Variants in CTNNA3 observed in about 807,000 individuals in gnomAD.
CTNNA3 encodes catenin alpha 3.
Under a neutral mutation model 95.7 loss-of-function variants are expected in CTNNA3, and 76 were observed. That is an observed-to-expected ratio of 0.79 (90% CI 0.66 to 0.96). CTNNA3 has a LOEUF of 0.96. Ranked by LOEUF, CTNNA3 falls within the 40% of genes least tolerant of loss-of-function variation. The pLI is 0.00. For synonymous variants in CTNNA3, 431 were observed against 374.4 expected (o/e 1.15, Z -1.74); for missense variants, 1,191 against 1,089.8 (o/e 1.09, Z -1.31).
chr10:67,097,732 A>G (rs1181878572), intron 7 of CTNNA3: 2 of 1,612,558 alleles, frequency 1.2e-6, no homozygotes, highest in African/African-American at 2.7e-5. Context: ...CTAGAGACTG[A>G]GCTGGACCTG....
chr10:67,205,782 C>T (rs80269395), intron 6 of CTNNA3, among the ~76,000 whole-genome samples: 3,237 of 152,178 alleles, frequency 0.021, 103 homozygotes, highest in African/African-American at 0.073. Flanking sequence ...TTAAAAGAAG[C>T]AAAATATAAT....
intron 12 of CTNNA3, among the ~76,000 whole-genome samples, chr10:66,324,003 G>A (rs2092223324): frequency 6.6e-6 from 1 of 151,818 alleles, no homozygotes; most frequent in African/African-American, 2.4e-5. Flanking sequence ...CCCCACTTCT[G>A]GCTCCCCATC....
intron 7 of CTNNA3, among the ~76,000 whole-genome samples, chr10:66,978,063 TATATACACACAC>T (rs1284089772): frequency 1.0e-5 from 1 of 97,382 alleles, no homozygotes. Flanking sequence ...CATATATATA[TATATACACACAC>T]ACACACACAC....
chr10:67,554,841 C>A (rs1589419359), intron 3 of CTNNA3, among the ~76,000 whole-genome samples: 1 of 152,272 alleles, frequency 6.6e-6, no homozygotes, highest in African/African-American at 2.4e-5. Context: ...TGCCTATGTC[C>A]TGAATGGTGT....
intron 11 of CTNNA3, among the ~76,000 whole-genome samples, chr10:66,386,279 C>G (rs909997211): frequency 2.0e-5 from 3 of 152,126 alleles, no homozygotes; most frequent in African/African-American, 4.8e-5. Context: ...GCAAAAATCA[C>G]AAGCATTCCT....
intron 9 of CTNNA3, among the ~76,000 whole-genome samples, chr10:66,696,300 C>T (rs1002513348): frequency 3.3e-5 from 5 of 152,084 alleles, no homozygotes; most frequent in Non-Finnish European, 5.9e-5. Flanking sequence ...ATGCTATTTA[C>T]TTCATCATTT....
intron 13 of CTNNA3, among the ~76,000 whole-genome samples, chr10:66,139,386 T>C (rs939134445): frequency 5.9e-5 from 9 of 152,178 alleles, no homozygotes; most frequent in Admixed American, 4.6e-4. Context: ...GAGCCACTCA[T>C]ATGTCATATG....
At chr10:66,403,101 C>T (rs2093032735) in intron 11 of CTNNA3, among the ~76,000 whole-genome samples, 1 of 152,124 alleles carries the variant, frequency 6.6e-6, no homozygotes. Context: ...TAGGCCTAAA[C>T]CAATGTGTAA....
chr10:67,411,500 G>C (rs1845365641), intron 5 of CTNNA3, among the ~76,000 whole-genome samples: 1 of 151,988 alleles, frequency 6.6e-6, no homozygotes, highest in Non-Finnish European at 1.5e-5. Flanking sequence ...TTCCAAATGA[G>C]GATCTGTACC....
chr10:67,692,567 T>A (rs1454637570), intron 1 of CTNNA3, among the ~76,000 whole-genome samples: 1 of 137,140 alleles, frequency 7.3e-6, no homozygotes, highest in Non-Finnish European at 1.6e-5. Context: ...TCATCACCAC[T>A]CCCTAATCTC....
intron 7 of CTNNA3, among the ~76,000 whole-genome samples, chr10:66,968,739 G>T (rs571271765): frequency 6.6e-6 from 1 of 151,914 alleles, no homozygotes; most frequent in Admixed American, 6.6e-5. Flanking sequence ...ATTTTTGGCC[G>T]GGCATGGTGG....
chr10:67,695,067 T>A (rs1840937856), intron 1 of CTNNA3, among the ~76,000 whole-genome samples: 1 of 152,230 alleles, frequency 6.6e-6, no homozygotes, highest in Admixed American at 6.5e-5. Context: ...TGACCATGGA[T>A]AATCTGAATC....
At chr10:67,538,032 A>G (rs1564724061) in intron 4 of CTNNA3, among the ~76,000 whole-genome samples, 2 of 151,670 alleles carry the variant, frequency 1.3e-5, no homozygotes, top group African/African-American at 4.9e-5. Flanking sequence ...TAATTTGTCT[A>G]TGGTTACTCA....
rs575781221 is a variant in CTNNA3 at position 66,946,042 on chromosome 10, T to C, written c.1048-170518A>G. Among the ~76,000 whole-genome samples, 3 of 152,246 alleles carry C rather than the reference T, an allele frequency of 2.0e-5. No homozygotes were observed. In the South Asian group the frequency reaches 6.2e-4, roughly 32 times the overall value. On this transcript the variant is annotated intron_variant, in intron 7 of 17. Transcript: ENST00000433211. Reference sequence around the variant, plus strand: ...AAAGATGTGGCAATAATTAACAAAATGTAACACAGAGACATGAAATGAGCA... The same window carrying C: ...AAAGATGTGGCAATAATTAACAAAACGTAACACAGAGACATGAAATGAGCA...
intron 7 of CTNNA3, among the ~76,000 whole-genome samples, chr10:67,004,330 A>G (rs1478137189): frequency 6.6e-6 from 1 of 152,204 alleles, no homozygotes; most frequent in Admixed American, 6.5e-5. Context: ...CAAGCCACCT[A>G]TCAATATTCA....
At chr10:66,438,259 G>T (rs1231724026) in intron 11 of CTNNA3, among the ~76,000 whole-genome samples, 3 of 152,204 alleles carry the variant, frequency 2.0e-5, no homozygotes, top group Non-Finnish European at 4.4e-5. Flanking sequence ...TTCAGAGCCA[G>T]TAGACAGAAA....
chr10:67,397,294 G>C (rs1844739500), intron 5 of CTNNA3, among the ~76,000 whole-genome samples: 1 of 152,192 alleles, frequency 6.6e-6, no homozygotes, highest in South Asian at 2.1e-4. Context: ...AATGCTGATA[G>C]TGATATGGAC....
chr10:66,794,507 T>C (rs1233034314), intron 7 of CTNNA3, among the ~76,000 whole-genome samples: 1 of 152,184 alleles, frequency 6.6e-6, no homozygotes, highest in Non-Finnish European at 1.5e-5. Flanking sequence ...AACATATTTA[T>C]TGCTAAAAAA....
chr10:67,615,657 C>CTTTTTTTT (rs746378840), intron 2 of CTNNA3, among the ~76,000 whole-genome samples: 2 of 102,142 alleles, frequency 2.0e-5, no homozygotes, highest in African/African-American at 3.9e-5. Context: ...GGCAGGTATT[C>CTTTTTTTT]TTTTTTTTTT....
Sources: gnomAD v4.1 joint callset for allele counts (sites outside exome capture counted in the v4.1 genomes callset) on GRCh38, gnomAD v4.1.1 for gene constraint, MANE v1.5 for transcripts, NCBI Gene and HGNC (gene_info 2026-07-23, HGNC 2026-07-21) for gene names.